The following SEMA6D variants were observed in gnomAD, a reference collection of about 807,000 sequenced individuals.
SEMA6D encodes semaphorin 6D, also known as semaphorin-6D.
In SEMA6D, 35 loss-of-function variants were observed where a neutral mutation model predicts 106.6. That is an observed-to-expected ratio of 0.33 (90% CI 0.25 to 0.44). The LOEUF (loss-of-function observed/expected upper bound fraction) is 0.44. Ranked by LOEUF, SEMA6D falls within the 20% of genes least tolerant of loss-of-function variation. The pLI, the probability that SEMA6D is intolerant of heterozygous loss-of-function variation, is 1.00. For missense variants in SEMA6D, 1,185 were observed against 1,345.9 expected, an observed-to-expected ratio of 0.88 and a Z score of 1.87; for synonymous variants, 499 against 487.7, an observed-to-expected ratio of 1.02 and a Z score of -0.31.
intron 1 of SEMA6D, among the ~76,000 whole-genome samples, chr15:47,724,300 C>A (rs183535759): frequency 6.6e-6 from 1 of 152,348 alleles, no homozygotes; most frequent in African/African-American, 2.4e-5. Flanking sequence ...CTACTCTGTA[C>A]AAGTGGGTAC....
chr15:47,601,097 T>TGAGA lies in SEMA6D; in HGVS notation c.-55+218_-55+221dup, dbSNP rs144757309. Reference sequence around the variant, plus strand: ...TCTTAAGAGAAATAGAGAGAGAGAATGAGAGAGAGAGAGAGAGAGAAAGAG... The same window carrying TGAGA: ...TCTTAAGAGAAATAGAGAGAGAGAATGAGAGAGAGAGAGAGAGAGAGAGAAAGAG... On this transcript the variant is annotated intron_variant, in intron 4 of 19. Coordinates refer to the SEMA6D transcript ENST00000558014. Among the ~76,000 whole-genome samples, 239 of 148,210 alleles carry TGAGA rather than the reference T, an allele frequency of 1.6e-3. 1 individual carries two copies. Among genetic ancestry groups the TGAGA allele is most frequent in the African/African-American group, 5.3e-3 (213 of 40,448 alleles).
At chr15:47,621,445 C>G (rs2077098179) in intron 4 of SEMA6D, among the ~76,000 whole-genome samples, 1 of 151,994 alleles carries the variant, frequency 6.6e-6, no homozygotes, top group African/African-American at 2.4e-5. Flanking sequence ...ACAGTGATGA[C>G]TCACTTTAGA....
intron 1 of SEMA6D, among the ~76,000 whole-genome samples, chr15:47,228,036 TAA>T (rs1359670142): frequency 9.1e-5 from 13 of 143,350 alleles, no homozygotes; most frequent in African/African-American, 5.0e-5. Flanking sequence ...TTTATATATA[TAA>T]GAATCTTATA....
chr15:47,771,796 T>G lies in SEMA6D; in HGVS notation c.*11T>G, dbSNP rs1430462864. On this transcript the variant is annotated 3_prime_UTR_variant, in exon 19 of 19. Transcript: ENST00000536845. ...AAATACACATACTAGGCCTCAAGTG[T>G]GCTATTCCCATGTGGCTTTATCCTG... 2 of 1,606,038 alleles carry G rather than the reference T, an allele frequency of 1.2e-6. No homozygotes were observed. The highest frequency in any genetic ancestry group is 1.7e-5 in the Admixed American group (1 of 59,782).
At chr15:47,494,741 G>GATAGATAGATATATAT in intron 3 of SEMA6D, among the ~76,000 whole-genome samples, 1 of 32,986 alleles carries the variant, frequency 3.0e-5, no homozygotes, top group African/African-American at 6.6e-5. Flanking sequence ...GTGGGATGGA[G>GATAGATAGATATATAT]ATATATATAT....
chr15:47,245,767 G>T (rs540056078), intron 1 of SEMA6D, among the ~76,000 whole-genome samples: 1 of 152,156 alleles, frequency 6.6e-6, no homozygotes, highest in African/African-American at 2.4e-5. Flanking sequence ...AGATCTGTTT[G>T]TATCCTGAAC....
intron 4 of SEMA6D, among the ~76,000 whole-genome samples, chr15:47,622,952 A>G (rs1443767390): frequency 6.6e-6 from 1 of 152,148 alleles, no homozygotes; most frequent in Admixed American, 6.5e-5. Flanking sequence ...AGCTGGGGAA[A>G]GAGTGCATGG....
At chr15:47,344,180 C>T (rs2037946702) in intron 1 of SEMA6D, among the ~76,000 whole-genome samples, 1 of 120,124 alleles carries the variant, frequency 8.3e-6, no homozygotes, top group African/African-American at 4.6e-5. Context: ...GTGGCGATTC[C>T]TCACTTGGAT....
chr15:47,270,671 A>C (rs2142252172), intron 1 of SEMA6D, among the ~76,000 whole-genome samples: 1 of 152,302 alleles, frequency 6.6e-6, no homozygotes, highest in Non-Finnish European at 1.5e-5. Context: ...CAATTCATCT[A>C]TGAATGGATC....
intron 3 of SEMA6D, among the ~76,000 whole-genome samples, chr15:47,528,029 A>G (rs189044543): frequency 3.7e-4 from 56 of 152,306 alleles, no homozygotes; most frequent in Admixed American, 3.3e-3. Flanking sequence ...CCATCCAGAC[A>G]TGGGGTGGGA....
At chr15:47,531,549 A>C (rs2044967150) in intron 3 of SEMA6D, among the ~76,000 whole-genome samples, 1 of 152,218 alleles carries the variant, frequency 6.6e-6, no homozygotes, top group Non-Finnish European at 1.5e-5. Flanking sequence ...ATATATGTGG[A>C]TATGTATTTG....
intron 3 of SEMA6D, among the ~76,000 whole-genome samples, chr15:47,587,711 A>G (rs2076366811): frequency 6.6e-6 from 1 of 152,296 alleles, no homozygotes; most frequent in Middle Eastern, 3.4e-3. Flanking sequence ...TGTTCCAGTA[A>G]AACTTTATTT....
rs2031705005 is a variant in SEMA6D, at chr15:47,226,853, A to G, written c.-239+42435A>G. 1.3e-5 allele frequency among the ~76,000 whole-genome samples: 2 copies of G among 151,994 alleles called. 1 individual carries two copies. Among genetic ancestry groups the G allele is most frequent in the Non-Finnish European group, 2.9e-5 (2 of 67,976 alleles). ...AACCCAATCCTTCATCTCATTCCAC[A>G]TCTCTGCTTTGGTTCACATCAGATA... On this transcript the variant is annotated intron_variant, in intron 1 of 19. Coordinates refer to the SEMA6D transcript ENST00000558014.
At chr15:47,560,075 CAAAAT>C (rs1056291940) in intron 3 of SEMA6D, among the ~76,000 whole-genome samples, 22 of 152,070 alleles carry the variant, frequency 1.4e-4, no homozygotes, top group African/African-American at 4.6e-4. Context: ...ACTAAACAAA[CAAAAT>C]AAAAACAAAA....
chr15:47,765,822 A>T, intron 13 of SEMA6D, 47 bp from the exon 14 acceptor site: 2 of 1,455,694 alleles, frequency 1.4e-6, no homozygotes, highest in Non-Finnish European at 1.8e-6. Flanking sequence ...AGCAAACCAC[A>T]CTTGACTGAC....
chr15:47,762,891 C>T, intron 8 of SEMA6D, 125 bp from the exon 9 acceptor site: 1 of 670,384 alleles, frequency 1.5e-6, no homozygotes, highest in Non-Finnish European at 2.5e-6. Flanking sequence ...AAGTCATTGG[C>T]AGATTGGAGT....
intron 1 of SEMA6D, among the ~76,000 whole-genome samples, chr15:47,264,217 TC>T (rs767668321): frequency 5.3e-5 from 8 of 152,036 alleles, no homozygotes; most frequent in Non-Finnish European, 1.2e-4. Context: ...AGGGAGAAGA[TC>T]AGGGAAAATA....
intron 1 of SEMA6D, among the ~76,000 whole-genome samples, chr15:47,759,276 G>A (rs2081937737): frequency 6.6e-6 from 1 of 152,120 alleles, no homozygotes; most frequent in African/African-American, 2.4e-5. Flanking sequence ...AAGAGCTAAG[G>A]AGAGATTATG....
At chr15:47,360,353 C>A (rs1473127353) in intron 1 of SEMA6D, among the ~76,000 whole-genome samples, 1 of 152,190 alleles carries the variant, frequency 6.6e-6, no homozygotes, top group Non-Finnish European at 1.5e-5. Flanking sequence ...GCTGACAGAA[C>A]CCCTTAGACC....
Sources: gnomAD v4.1 joint callset for allele counts (sites outside exome capture counted in the v4.1 genomes callset) on GRCh38, gnomAD v4.1.1 for gene constraint, MANE v1.5 for transcripts, NCBI Gene and HGNC (gene_info 2026-07-23, HGNC 2026-07-21) for gene names.